Variants in GATAD1 observed in about 807,000 individuals in gnomAD.
GATAD1 encodes GATA zinc finger domain-containing protein 1.
Under a neutral mutation model 26.5 loss-of-function variants are expected in GATAD1, and 12 were observed. The ratio of observed to expected loss-of-function variants is 0.45; its 90% CI spans 0.29 to 0.73. The LOEUF (loss-of-function observed/expected upper bound fraction) is 0.73. GATAD1 is among the 30% of genes least tolerant of loss of function. The probability of loss-of-function intolerance (pLI) is 0.10; values close to 1 mark genes in which losing one functional copy is unlikely to be tolerated. For synonymous variants in GATAD1, 129 were observed against 133.1 expected (o/e 0.97, Z 0.21); for missense variants, 266 against 342.1 (o/e 0.78, Z 1.75).
the GATAD1 span, among the ~76,000 whole-genome samples, chr7:92,494,954 CAG>C: frequency 6.6e-6 from 1 of 151,750 alleles, no homozygotes; most frequent in African/African-American, 2.4e-5. Flanking sequence ...GATAGACTAA[CAG>C]GGATCAAAAC....
At chr7:92,474,350 G>A in the GATAD1 span, among the ~76,000 whole-genome samples, 1 of 152,188 alleles carries the variant, frequency 6.6e-6, no homozygotes, top group Non-Finnish European at 1.5e-5. Context: ...TCAGGTGACA[G>A]AGAGGCACGC....
chr7:92,482,949 G>A, the GATAD1 span, among the ~76,000 whole-genome samples: 4 of 152,140 alleles, frequency 2.6e-5, no homozygotes, highest in African/African-American at 4.8e-5. Flanking sequence ...CCCCTGTATC[G>A]ATTAAACAGG....
the GATAD1 span, among the ~76,000 whole-genome samples, chr7:92,484,440 C>T: frequency 2.6e-5 from 4 of 152,010 alleles, no homozygotes; most frequent in African/African-American, 4.8e-5. Flanking sequence ...GTGTCCCCAC[C>T]GTGATCAGAC....
Position 92,447,527 on chromosome 7 carries a change from C to T in GATAD1, c.-203C>T. On this transcript the variant is annotated 5_prime_UTR_variant, in exon 1 of 5. Coordinates refer to ENST00000287957, the MANE Select transcript of GATAD1 (RefSeq NM_021167.5). ...AGTGCCTCGGGCCAGGGAATCCTGG[C>T]CTCCGCCTGCGGAGCCGGCGGAACC... 1 of 504,030 alleles carries T rather than the reference C, an allele frequency of 2.0e-6. No homozygotes were observed. Among genetic ancestry groups the T allele is most frequent in the East Asian group, 4.5e-5 (1 of 22,376 alleles). The allele number at this position is 504,030 out of a possible 1,614,324, so 31.2% of individuals were successfully genotyped here. A position where few individuals can be genotyped will look rare whatever the true frequency, so the allele number is the denominator to read the frequency against.
chr7:92,485,389 C>T, the GATAD1 span, among the ~76,000 whole-genome samples: 1 of 152,166 alleles, frequency 6.6e-6, no homozygotes, highest in Admixed American at 6.5e-5. Flanking sequence ...CTACTTGATT[C>T]TTACAATGTA....
the GATAD1 span, among the ~76,000 whole-genome samples, chr7:92,485,140 G>A: frequency 6.6e-6 from 1 of 152,154 alleles, no homozygotes; most frequent in Admixed American, 6.5e-5. Flanking sequence ...AATCACAATG[G>A]TGGAATGTCA....
At chr7:92,473,197 T>C in the GATAD1 span, 2 of 152,158 alleles carry the variant, frequency 1.3e-5, no homozygotes, top group South Asian at 4.1e-4. Flanking sequence ...GAAAGCAGAG[T>C]ATAAGGGCTA....
At chr7:92,471,576 C>T in the GATAD1 span, 1 of 152,154 alleles carries the variant, frequency 6.6e-6, no homozygotes, top group African/African-American at 2.4e-5. Flanking sequence ...CTTGGTTTCC[C>T]GGAGGGGATT....
downstream of GATAD1, chr7:92,461,460 G>C (rs1474839597): frequency 2.0e-5 from 3 of 152,280 alleles, no homozygotes; most frequent in East Asian, 5.8e-4. Context: ...TAGTGGTTCT[G>C]TTTCTCTGAT....
chr7:92,468,504 C>T, the GATAD1 span: 1 of 319,470 alleles, frequency 3.1e-6, no homozygotes, highest in Non-Finnish European at 5.7e-6. Flanking sequence ...ATCATTGTCC[C>T]TCCTGCTGTG....
chr7:92,485,957 A>C, the GATAD1 span, among the ~76,000 whole-genome samples: 39 of 152,334 alleles, frequency 2.6e-4, 1 homozygote, highest in East Asian at 7.3e-3. Flanking sequence ...TCCTATGTGA[A>C]TGCTCAGTTA....
At chr7:92,452,700 C>A (rs1789490204) in intron 3 of GATAD1, among the ~76,000 whole-genome samples, 2 of 152,238 alleles carry the variant, frequency 1.3e-5, no homozygotes, top group Non-Finnish European at 2.9e-5. Context: ...GTGTACACAA[C>A]ACAGCACATA....
chr7:92,448,734 A>G lies in GATAD1; in HGVS notation c.250-18A>G, dbSNP rs1391251822. 1.9e-6 allele frequency: 3 copies of G among 1,603,640 alleles called. No individual in the cohort carries two copies. In the African/African-American group the frequency reaches 4.0e-5, roughly 21 times the overall value. ...TTACTTCTTTCTCTTTTTGTTCTTT[A>G]ATTTGTTTGTGTAACAGAGTAAGCA... On this transcript the variant is annotated intron_variant, in intron 1 of 4. Transcript: ENST00000287957.
chr7:92,471,269 C>A, the GATAD1 span: 1 of 166,434 alleles, frequency 6.0e-6, no homozygotes, highest in Admixed American at 6.5e-5. Flanking sequence ...ATGGCCTGTT[C>A]TTTGTTCTCC....
the GATAD1 span, chr7:92,491,726 C>T: frequency 8.1e-6 from 4 of 492,898 alleles, no homozygotes; most frequent in Non-Finnish European, 1.1e-5. Flanking sequence ...AACCATCCCC[C>T]AAGAAAGTCT....
In GATAD1 at chr7:92,449,821, C is replaced by T. The variant is rs530974607; in HGVS notation, c.376-880C>T. The T allele has an allele frequency of 7.4e-4, 115 of 155,600 alleles. No homozygotes were observed. In the Middle Eastern group the frequency reaches 0.013, roughly 18 times the overall value. 9.6% of individuals were successfully genotyped at this position (155,600 alleles called of 1,614,324 possible). The stretch of plus-strand genomic sequence containing the variant: ...ATCAACCCATCATCTAGGTTTTAAG[C>T]CCCGCATGCATTAGATATTTGTCCT... On this transcript the variant is annotated intron_variant, in intron 2 of 4. Transcript: ENST00000287957.
the GATAD1 span, chr7:92,469,777 A>G: frequency 2.6e-6 from 2 of 764,772 alleles, no homozygotes; most frequent in Non-Finnish European, 4.8e-6. Flanking sequence ...TTGTTCAGGT[A>G]CAGGGATTGA....
chr7:92,490,385 A>T, the GATAD1 span: 7 of 182,928 alleles, frequency 3.8e-5, no homozygotes, highest in Admixed American at 4.0e-4. Context: ...CTGTAATCCT[A>T]GCACTTTGGG....
At position 92,458,681 on chromosome 7, in the gene GATAD1, A is replaced by T. The variant is rs1789791913; in HGVS notation, c.*2119A>T. The T allele has an allele frequency of 6.6e-6, 1 of 152,130 alleles. No individual in the cohort carries two copies. The highest frequency in any genetic ancestry group is 2.4e-5 in the African/African-American group (1 of 41,430). 9.4% of individuals were successfully genotyped at this position (152,130 alleles called of 1,614,324 possible). A position where few individuals can be genotyped will look rare whatever the true frequency, so the allele number is the denominator to read the frequency against. On this transcript the variant is annotated 3_prime_UTR_variant, in exon 5 of 5. Coordinates refer to ENST00000287957, the MANE Select transcript of GATAD1 (RefSeq NM_021167.5). Reference sequence around the variant, plus strand: ...TTTAACTCTTACCCTTTTTCCACATAGTTATGGTGTTTGAGTTGGAAAGAA... The same window carrying T: ...TTTAACTCTTACCCTTTTTCCACATTGTTATGGTGTTTGAGTTGGAAAGAA...
Sources: allele counts gnomAD v4.1 joint callset (sites outside exome capture counted in the v4.1 genomes callset), GRCh38; gene constraint gnomAD v4.1.1; transcripts MANE v1.5; gene names NCBI Gene and HGNC (gene_info 2026-07-23, HGNC 2026-07-21).